FYB2: variants seen among roughly 807,000 people sequenced by gnomAD.
The protein encoded by FYB2 is FYN binding protein 2, also known as FYN-binding protein 2.
In FYB2, 103 loss-of-function variants were observed where a neutral mutation model predicts 94.1. That is an observed-to-expected ratio of 1.09 (90% confidence interval 0.93 to 1.29). The LOEUF (loss-of-function observed/expected upper bound fraction) is 1.29, where lower values mean the gene tolerates loss of function less well. Ranked by LOEUF, FYB2 falls within the 50% of genes most tolerant of loss-of-function variation. The pLI is 0.00. For synonymous variants in FYB2, 293 were observed against 287.9 expected, an observed-to-expected ratio of 1.02 and a Z score of -0.18; for missense variants, 896 against 841.5, an observed-to-expected ratio of 1.06 and a Z score of -0.80.
intron 2 of FYB2, among the ~76,000 whole-genome samples, chr1:56,791,774 A>G (rs568877125): frequency 1.3e-5 from 2 of 152,298 alleles, no homozygotes; most frequent in African/African-American, 2.4e-5. Context: ...GGCTCTAAGA[A>G]TCTATATAAA....
chr1:56,807,572 C>T lies in FYB2; in HGVS notation c.9+11710G>A, dbSNP rs77268092. Among the ~76,000 whole-genome samples the T allele has an allele frequency of 7.9e-3, 1,197 of 152,258 alleles. 21 individuals carry two copies. Among genetic ancestry groups the T allele is most frequent in the African/African-American group, 0.028 (1,162 of 41,548 alleles). On this transcript the variant is annotated intron_variant, in intron 1 of 19. Coordinates refer to ENST00000343433, the MANE Select transcript of FYB2 (RefSeq NM_001004303.5). ...ATTATCATCATGCTCATCATTATTG[C>T]CTCTGCTACTTCTATGTCACCCATT...
chr1:56,723,561 A>G (rs373885589), intron 17 of FYB2, 27 bp downstream of exon 17: 2 of 1,370,038 alleles, frequency 1.5e-6, no homozygotes, highest in Non-Finnish European at 2.0e-6. Flanking sequence ...TAATATTGCT[A>G]ATTTTTACCT....
intron 17 of FYB2, 107 bp from the exon 18 acceptor site, chr1:56,720,436 T>G: frequency 1.0e-6 from 1 of 999,222 alleles, no homozygotes; most frequent in Admixed American, 3.1e-5. Flanking sequence ...CTCAAGATAC[T>G]ATTGACTAGT....
rs534936225 is a variant in FYB2 at position 56,751,215 on chromosome 1, CA to C, written c.1228-13del. ...TCACAGGCATCTACCTAAACATATG[CA>C]AAAGGGAGAATACTGTAGGGCTGTG... On this transcript the variant is annotated splice_polypyrimidine_tract_variant and intron_variant, in intron 8 of 19. Coordinates refer to ENST00000343433, the MANE Select transcript of FYB2 (RefSeq NM_001004303.5). The C allele has an allele frequency of 5.3e-3, 8,465 of 1,611,396 alleles. 34 individuals carry two copies. The highest frequency in any genetic ancestry group is 6.5e-3 in the Non-Finnish European group (7,609 of 1,178,540).
intron 4 of FYB2, among the ~76,000 whole-genome samples, chr1:56,783,686 A>G (rs991783271): frequency 6.6e-6 from 1 of 152,154 alleles, no homozygotes; most frequent in African/African-American, 2.4e-5. Context: ...AAATAAATAA[A>G]TAAACAAAGA....
At chr1:56,760,168 G>T (rs857101) in intron 5 of FYB2, among the ~76,000 whole-genome samples, 112,880 of 151,850 alleles carry the variant, frequency 0.74, 42,889 homozygotes, top group East Asian at 0.93. Context: ...AAATTGCTTG[G>T]TTGGTTTTCT....
chr1:56,736,790 T>C (rs1362456651), intron 15 of FYB2, among the ~76,000 whole-genome samples: 2 of 152,134 alleles, frequency 1.3e-5, no homozygotes, highest in African/African-American at 4.8e-5. Context: ...CTATCCTTCA[T>C]GTTGTCATGT....
At chr1:56,754,317 C>T (rs545821096) in intron 7 of FYB2, among the ~76,000 whole-genome samples, 1 of 152,150 alleles carries the variant, frequency 6.6e-6, no homozygotes, top group South Asian at 2.1e-4. Context: ...GAGCAACTCT[C>T]CTTTTTTATT....
intron 3 of FYB2, 119 bp downstream of exon 3, chr1:56,788,854 A>G: frequency 7.3e-7 from 1 of 1,369,662 alleles, no homozygotes; most frequent in Non-Finnish European, 1.0e-6. Flanking sequence ...GATGAGAATA[A>G]GCAGTGATGG....
chr1:56,813,068 C>A (rs1159264764), intron 1 of FYB2, among the ~76,000 whole-genome samples: 2 of 152,192 alleles, frequency 1.3e-5, no homozygotes, highest in African/African-American at 4.8e-5. Flanking sequence ...TGGCTGTCTT[C>A]ATGTTCACAT....
intron 4 of FYB2, among the ~76,000 whole-genome samples, chr1:56,786,706 G>A (rs1048872737): frequency 6.6e-6 from 1 of 152,202 alleles, no homozygotes. Context: ...AAAGTAGCCA[G>A]TTGAGTGCCT....
At chr1:56,777,504 A>G (rs1363243476) in intron 4 of FYB2, among the ~76,000 whole-genome samples, 2 of 152,226 alleles carry the variant, frequency 1.3e-5, no homozygotes, top group African/African-American at 4.8e-5. Context: ...TGAAGAATTT[A>G]TAATTTAGTC....
chr1:56,776,678 C>T (rs142124485), intron 4 of FYB2, among the ~76,000 whole-genome samples: 211 of 152,176 alleles, frequency 1.4e-3, no homozygotes, highest in African/African-American at 4.8e-3. Context: ...ATTTATTTTA[C>T]GGAGAGGGAA....
At chr1:56,783,045 G>A (rs1481558869) in intron 4 of FYB2, among the ~76,000 whole-genome samples, 1 of 152,136 alleles carries the variant, frequency 6.6e-6, no homozygotes, top group Admixed American at 6.6e-5. Flanking sequence ...ATAAAAGAGT[G>A]ATGACAAAGA....
At chr1:56,722,732 A>C (rs935812419) in intron 17 of FYB2, among the ~76,000 whole-genome samples, 1 of 152,084 alleles carries the variant, frequency 6.6e-6, no homozygotes, top group African/African-American at 2.4e-5. Context: ...CAAGAGATAA[A>C]GCCAGGAAGA....
At chr1:56,730,498 A>G (rs1047121467) in intron 15 of FYB2, among the ~76,000 whole-genome samples, 3 of 152,042 alleles carry the variant, frequency 2.0e-5, no homozygotes, top group African/African-American at 7.2e-5. Flanking sequence ...CTTAGAGACC[A>G]CTGTGAGCAA....
intron 4 of FYB2, among the ~76,000 whole-genome samples, chr1:56,773,513 A>G (rs1645808619): frequency 6.6e-6 from 1 of 152,150 alleles, no homozygotes; most frequent in Non-Finnish European, 1.5e-5. Flanking sequence ...CAGAGCCTTC[A>G]TTTCCTCATA....
chr1:56,791,391 G>A (rs1048110428), intron 2 of FYB2, among the ~76,000 whole-genome samples: 2 of 152,016 alleles, frequency 1.3e-5, no homozygotes, highest in Admixed American at 6.6e-5. Context: ...GAGTAGCTGG[G>A]ATTACAGGCA....
At chr1:56,819,222 G>A (rs1646956857) in intron 1 of FYB2, 60 bp downstream of exon 1, 1 of 1,612,758 alleles carries the variant, frequency 6.2e-7, no homozygotes, top group East Asian at 2.2e-5. Context: ...CAAGTGGGAG[G>A]AACTTGTCCT....
Sources: allele counts gnomAD v4.1 joint callset (sites outside exome capture counted in the v4.1 genomes callset), GRCh38; gene constraint gnomAD v4.1.1; transcripts MANE v1.5; gene names NCBI Gene and HGNC (gene_info 2026-07-23, HGNC 2026-07-21).